The following GALNT13 variants were observed in gnomAD, a reference collection of about 807,000 sequenced individuals.
GALNT13 encodes the protein polypeptide N-acetylgalactosaminyltransferase 13.
GALNT13 carries 28 observed loss-of-function variants against 64.2 expected under a neutral mutation model. The observed-to-expected ratio is 0.44, with a 90% CI of 0.32 to 0.60. GALNT13 has a LOEUF of 0.60. Ranked by LOEUF, GALNT13 falls within the 20% of genes least tolerant of loss-of-function variation. GALNT13 has a pLI of 0.05. For missense variants in GALNT13, 577 were observed against 669.8 expected (o/e 0.86, Z 1.53); for synonymous variants, 214 against 224.6 (o/e 0.95, Z 0.42).
upstream of GALNT13, among the ~76,000 whole-genome samples, chr2:153,871,602 T>A (rs1685939159): frequency 6.6e-6 from 1 of 151,922 alleles, no homozygotes; most frequent in Non-Finnish European, 1.5e-5. Context: ...CGGCCAGGGG[T>A]CGCGAGGCGC....
At chr2:154,176,674 A>G (rs770771090) in intron 4 of GALNT13, among the ~76,000 whole-genome samples, 22 of 152,340 alleles carry the variant, frequency 1.4e-4, no homozygotes, top group Non-Finnish European at 2.6e-4. Context: ...ATGATGTTAC[A>G]TAAAACCAGG....
intron 4 of GALNT13, among the ~76,000 whole-genome samples, chr2:154,154,858 A>G (rs1362648565): frequency 6.6e-6 from 1 of 151,984 alleles, no homozygotes; most frequent in East Asian, 1.9e-4. Flanking sequence ...TACTAGATAT[A>G]AGGGAAGTCA....
the GALNT13 span, among the ~76,000 whole-genome samples, chr2:153,841,741 T>G: frequency 9.8e-5 from 15 of 152,298 alleles, no homozygotes; most frequent in East Asian, 2.9e-3. Context: ...GTATTATGGT[T>G]TGATCTCAAG....
At chr2:153,119,548 C>A in the GALNT13 span, among the ~76,000 whole-genome samples, 1 of 152,172 alleles carries the variant, frequency 6.6e-6, no homozygotes, top group Non-Finnish European at 1.5e-5. Context: ...ATAAAAATGG[C>A]ACTGTTAGTG....
chr2:153,204,793 A>T, the GALNT13 span, among the ~76,000 whole-genome samples: 1 of 152,286 alleles, frequency 6.6e-6, no homozygotes, highest in South Asian at 2.1e-4. Flanking sequence ...AGATGAGTCA[A>T]CTATCTATAC....
chr2:153,544,477 TTACTTGAA>T, the GALNT13 span, among the ~76,000 whole-genome samples: 1 of 152,228 alleles, frequency 6.6e-6, no homozygotes, highest in Non-Finnish European at 1.5e-5. Context: ...AATGTTTTAA[TTACTTGAA>T]TACTTGAACA....
chr2:153,182,089 G>A, the GALNT13 span, among the ~76,000 whole-genome samples: 1 of 151,216 alleles, frequency 6.6e-6, no homozygotes, highest in African/African-American at 2.4e-5. Context: ...TGTCGCCCAG[G>A]CTGGAGTGCA....
intron 8 of GALNT13, among the ~76,000 whole-genome samples, chr2:154,296,756 TA>T (rs1310598676): frequency 1.3e-5 from 2 of 152,172 alleles, no homozygotes; most frequent in African/African-American, 2.4e-5. Flanking sequence ...ATTTTTATTT[TA>T]TTTTTTTAAA....
At chr2:154,126,869 G>C (rs889389825) in intron 3 of GALNT13, among the ~76,000 whole-genome samples, 2 of 151,828 alleles carry the variant, frequency 1.3e-5, no homozygotes, top group Non-Finnish European at 2.9e-5. Context: ...AAATACCACA[G>C]TACATGGGAA....
At chr2:153,884,766 AAT>A (rs372541314) in intron 1 of GALNT13, among the ~76,000 whole-genome samples, 4,486 of 116,254 alleles carry the variant, frequency 0.039, 167 homozygotes, top group Middle Eastern at 0.085. Context: ...TAAAAATACG[AAT>A]ATATATATAT....
chr2:153,232,188 C>A, the GALNT13 span, among the ~76,000 whole-genome samples: 10 of 152,064 alleles, frequency 6.6e-5, no homozygotes, highest in African/African-American at 2.4e-4. Flanking sequence ...TAAAATAATC[C>A]ATGGTGAAGA....
chr2:153,400,910 TG>T, the GALNT13 span, among the ~76,000 whole-genome samples: 2 of 152,208 alleles, frequency 1.3e-5, no homozygotes, highest in Non-Finnish European at 2.9e-5. Flanking sequence ...AAGGGTTTTT[TG>T]TGTCTCTATT....
the GALNT13 span, among the ~76,000 whole-genome samples, chr2:153,630,363 T>C: frequency 1.5e-4 from 22 of 151,194 alleles, 1 homozygote; most frequent in East Asian, 3.9e-4. Flanking sequence ...ATGGATGAAA[T>C]TGGAAATCAT....
At chr2:153,387,548 A>G in the GALNT13 span, among the ~76,000 whole-genome samples, 1 of 152,206 alleles carries the variant, frequency 6.6e-6, no homozygotes, top group African/African-American at 2.4e-5. Flanking sequence ...TTTCTTTAGA[A>G]GTGTAGGTAT....
the GALNT13 span, among the ~76,000 whole-genome samples, chr2:153,127,509 C>T: frequency 6.6e-6 from 1 of 151,116 alleles, no homozygotes; most frequent in East Asian, 2.0e-4. Context: ...CATTCATGGA[C>T]ATCTTGATAC....
At chr2:154,205,500 A>C (rs1193419965) in intron 4 of GALNT13, among the ~76,000 whole-genome samples, 1 of 152,230 alleles carries the variant, frequency 6.6e-6, no homozygotes, top group African/African-American at 2.4e-5. Context: ...TGAAATGTTA[A>C]TAATTTGGGT....
chr2:153,859,291 T>G, the GALNT13 span, among the ~76,000 whole-genome samples: 2 of 152,242 alleles, frequency 1.3e-5, no homozygotes, highest in South Asian at 4.1e-4. Flanking sequence ...TGGATTAATT[T>G]TGTTTTGTTT....
chr2:153,242,187 T>G, the GALNT13 span, among the ~76,000 whole-genome samples: 1 of 152,140 alleles, frequency 6.6e-6, no homozygotes, highest in African/African-American at 2.4e-5. Context: ...AGCTAAGCCT[T>G]TATCTTTTGG....
At chr2:154,067,284 T>G (rs1574441893) in intron 3 of GALNT13, among the ~76,000 whole-genome samples, 1 of 152,174 alleles carries the variant, frequency 6.6e-6, no homozygotes. Context: ...ACATCCTTAC[T>G]TATCAATGGT....
Sources: gnomAD v4.1 joint callset for allele counts (sites outside exome capture counted in the v4.1 genomes callset) on GRCh38, gnomAD v4.1.1 for gene constraint, MANE v1.5 for transcripts, NCBI Gene and HGNC (gene_info 2026-07-23, HGNC 2026-07-21) for gene names.